TMEM14C: variants seen among roughly 807,000 people sequenced by gnomAD.
TMEM14C encodes chromosome 6 open reading frame 53.
Under a neutral mutation model 14.8 loss-of-function variants are expected in TMEM14C, and 13 were observed. The observed-to-expected ratio is 0.88, with a 90% CI of 0.57 to 1.40. The LOEUF is 1.40. TMEM14C is among the 40% of genes most tolerant of loss of function. TMEM14C has a pLI of 0.00. For missense variants in TMEM14C, 142 were observed against 138.8 expected, an observed-to-expected ratio of 1.02 and a Z score of -0.12; for synonymous variants, 57 against 51.3, an observed-to-expected ratio of 1.11 and a Z score of -0.48.
intron 1 of TMEM14C, 99 bp from the exon 2 acceptor site, chr6:10,724,471 T>G: frequency 2.7e-6 from 2 of 748,070 alleles, no homozygotes; most frequent in Non-Finnish European, 4.6e-6. Context: ...TGAAGAATAC[T>G]GAGACTTAGG....
intron 2 of TMEM14C, 123 bp from the exon 3 acceptor site, chr6:10,724,838 C>G: frequency 7.2e-7 from 1 of 1,384,476 alleles, no homozygotes; most frequent in Non-Finnish European, 1.0e-6. Context: ...CATCCAACCT[C>G]TGTGGTCCTT....
intron 4 of TMEM14C, among the ~76,000 whole-genome samples, chr6:10,726,643 A>G (rs900832633): frequency 1.3e-5 from 2 of 152,188 alleles, no homozygotes; most frequent in Non-Finnish European, 2.9e-5. Context: ...TTGAGCTGAG[A>G]TCACACCACT....
intron 4 of TMEM14C, among the ~76,000 whole-genome samples, chr6:10,728,426 G>A (rs1002605615): frequency 2.6e-5 from 4 of 152,166 alleles, no homozygotes; most frequent in African/African-American, 7.2e-5. Context: ...GGAAGGGCAG[G>A]CAGGACCCAG....
At chr6:10,729,014 CTG>C (rs1770953466) in intron 5 of TMEM14C, among the ~76,000 whole-genome samples, 1 of 152,224 alleles carries the variant, frequency 6.6e-6, no homozygotes, top group Non-Finnish European at 1.5e-5. Flanking sequence ...AAAGCCATGA[CTG>C]CAGCCTTTTG....
intron 1 of TMEM14C, chr6:10,724,295 C>G: frequency 3.2e-6 from 1 of 310,170 alleles, no homozygotes; most frequent in South Asian, 7.4e-5. Context: ...GTCAGTGGAT[C>G]TTGCTGAGTT....
rs1039345626 is a variant in TMEM14C at position 10,723,217 on chromosome 6, G to C, written c.-69G>C. On this transcript the variant is annotated 5_prime_UTR_variant, in exon 1 of 6. Transcript: ENST00000229563. The stretch of plus-strand genomic sequence containing the variant: ...TTCCTGCGGCTTGCGCGCCCTTGTA[G>C]ACAGCCGGGGCCTTCGTGAGACCGG... The C allele has an allele frequency of 1.3e-5, 2 of 152,312 alleles. No homozygotes were observed. Among genetic ancestry groups the C allele is most frequent in the Non-Finnish European group, 2.9e-5 (2 of 68,070 alleles). The allele number at this position is 152,312 out of a possible 1,614,324, so 9.4% of individuals were successfully genotyped here.
chr6:10,728,153 G>C (rs1182361338), intron 4 of TMEM14C, among the ~76,000 whole-genome samples: 1 of 152,062 alleles, frequency 6.6e-6, no homozygotes, highest in Admixed American at 6.5e-5. Flanking sequence ...CTTTTTATTC[G>C]TGTGAGTCTT....
intron 1 of TMEM14C, chr6:10,724,367 G>T (rs1313848548): frequency 1.9e-6 from 1 of 537,624 alleles, no homozygotes. Context: ...TCTGTTCAGG[G>T]TTTACTAGGT....
At chr6:10,729,158 G>A (rs904187832) in intron 5 of TMEM14C, among the ~76,000 whole-genome samples, 4 of 152,162 alleles carry the variant, frequency 2.6e-5, no homozygotes, top group Non-Finnish European at 4.4e-5. Context: ...TTGAGACGGA[G>A]TATCACTCTG....
intron 5 of TMEM14C, among the ~76,000 whole-genome samples, chr6:10,729,891 A>G (rs1432909774): frequency 1.3e-5 from 2 of 152,182 alleles, no homozygotes; most frequent in Non-Finnish European, 2.9e-5. Flanking sequence ...TGAGGTCAGG[A>G]GTTCAAGACC....
At position 10,730,811 on chromosome 6, in the gene TMEM14C, G is replaced by A; in HGVS notation, c.*145G>A. On this transcript the variant is annotated 3_prime_UTR_variant, in exon 6 of 6. Transcript: ENST00000229563. The stretch of plus-strand genomic sequence containing the variant: ...AAGACACCAAACTTGGCAGAGAGGT[G>A]GAAAATCAGTCATGATTACAAACCT... The A allele has an allele frequency of 7.4e-7, 1 of 1,352,758 alleles. No individual in the cohort carries two copies. The highest frequency in any genetic ancestry group is 9.6e-7 in the Non-Finnish European group (1 of 1,046,642). 83.8% of individuals were successfully genotyped at this position (1,352,758 alleles called of 1,614,324 possible). A position where few individuals can be genotyped will look rare whatever the true frequency, so the allele number is the denominator to read the frequency against.
Position 10,730,843 on chromosome 6 carries a change from G to C in TMEM14C, c.*177G>C, listed in dbSNP as rs190078515. 2,151 of 1,312,386 alleles carry C rather than the reference G, an allele frequency of 1.6e-3. 1 individual carries two copies. The highest frequency in any genetic ancestry group is 2.0e-3 in the Non-Finnish European group (2,056 of 1,025,608). 81.3% of individuals were successfully genotyped at this position (1,312,386 alleles called of 1,614,324 possible). A position where few individuals can be genotyped will look rare whatever the true frequency, so the allele number is the denominator to read the frequency against. ...CAGTCATGATTACAAACCTACAGAG[G>C]TGGCGAGTATGTAACACAAGAGCTT... On this transcript the variant is annotated 3_prime_UTR_variant, in exon 6 of 6. Coordinates refer to ENST00000229563, the MANE Select transcript of TMEM14C (RefSeq NM_016462.4).
chr6:10,730,508 C>G (rs1770993729), intron 5 of TMEM14C, 107 bp from the exon 6 acceptor site: 1 of 1,088,292 alleles, frequency 9.2e-7, no homozygotes, highest in Non-Finnish European at 1.3e-6. Flanking sequence ...TGCCTTAGTA[C>G]CTCCTCCCCC....
At chr6:10,727,303 C>T (rs190302369) in intron 4 of TMEM14C, among the ~76,000 whole-genome samples, 19 of 152,132 alleles carry the variant, frequency 1.2e-4, no homozygotes, top group East Asian at 7.8e-4. Context: ...GGTGGATCCC[C>T]GCATTGATAT....
chr6:10,724,715 A>T, intron 2 of TMEM14C, 82 bp downstream of exon 2: 1 of 1,523,616 alleles, frequency 6.6e-7, no homozygotes. Context: ...GAACCTTAAG[A>T]GTAGACTGCC....
intron 1 of TMEM14C, 80 bp from the exon 2 acceptor site, chr6:10,724,490 C>A: frequency 1.1e-6 from 1 of 889,284 alleles, no homozygotes; most frequent in Non-Finnish European, 1.8e-6. Flanking sequence ...GGTTGCGTAG[C>A]TTGCAGGTTG....
At chr6:10,728,849 A>G in intron 5 of TMEM14C, 122 bp downstream of exon 5, 3 of 1,549,170 alleles carry the variant, frequency 1.9e-6, no homozygotes, top group Middle Eastern at 1.7e-4. Context: ...CTGACATTTG[A>G]TATATACACT....
chr6:10,731,023 T>G lies in TMEM14C; in HGVS notation c.*357T>G. 1.0e-6 allele frequency: 1 copy of G among 995,944 alleles called. No homozygotes were observed. The highest frequency in any genetic ancestry group is 1.2e-6 in the Non-Finnish European group (1 of 836,970). The allele number at this position is 995,944 out of a possible 1,614,324, so 61.7% of individuals were successfully genotyped here. On this transcript the variant is annotated 3_prime_UTR_variant, in exon 6 of 6. Coordinates refer to ENST00000229563, the MANE Select transcript of TMEM14C (RefSeq NM_016462.4). Reference sequence around the variant, plus strand: ...GAGGAACAGTGTGAAAAAAAGTCTTTTAGGAGATTTACAATATCTGTTCTT... The same window carrying G: ...GAGGAACAGTGTGAAAAAAAGTCTTGTAGGAGATTTACAATATCTGTTCTT...
chr6:10,727,321 T>C (rs1296159325), intron 4 of TMEM14C, among the ~76,000 whole-genome samples: 1 of 152,080 alleles, frequency 6.6e-6, no homozygotes, highest in Non-Finnish European at 1.5e-5. Flanking sequence ...TATTCAGATG[T>C]GCTTGTCTCC....
Sources: gnomAD v4.1 joint callset for allele counts (sites outside exome capture counted in the v4.1 genomes callset) on GRCh38, gnomAD v4.1.1 for gene constraint, MANE v1.5 for transcripts, NCBI Gene and HGNC (gene_info 2026-07-23, HGNC 2026-07-21) for gene names.